The following RORA variants were observed in gnomAD, a reference collection of about 807,000 sequenced individuals.
RORA encodes RAR related orphan receptor A, also known as nuclear receptor ROR-alpha.
Under a neutral mutation model 69.5 loss-of-function variants are expected in RORA, and 7 were observed. The ratio of observed to expected loss-of-function variants is 0.10; its 90% CI spans 0.06 to 0.19. The LOEUF (loss-of-function observed/expected upper bound fraction) is 0.19. Among genes scored for constraint, RORA ranks in the 10% least tolerant of loss-of-function variants. The probability of loss-of-function intolerance (pLI) is 1.00; values close to 1 mark genes in which losing one functional copy is unlikely to be tolerated. For synonymous variants in RORA, 261 were observed against 240.8 expected, an observed-to-expected ratio of 1.08 and a Z score of -0.78; for missense variants, 457 against 663.0, an observed-to-expected ratio of 0.69 and a Z score of 3.41.
intron 1 of RORA, among the ~76,000 whole-genome samples, chr15:60,953,637 G>T: frequency 7.3e-6 from 1 of 137,734 alleles, no homozygotes; most frequent in African/African-American, 2.7e-5. Context: ...CAAAGGACAT[G>T]AACAGACACT....
chr15:60,659,813 C>G (rs2070278464), intron 2 of RORA, among the ~76,000 whole-genome samples: 1 of 152,172 alleles, frequency 6.6e-6, no homozygotes, highest in Non-Finnish European at 1.5e-5. Flanking sequence ...ATGTTCCCAT[C>G]CCCCTGCTAA....
intron 2 of RORA, among the ~76,000 whole-genome samples, chr15:60,579,308 G>T (rs1596006107): frequency 1.3e-5 from 2 of 152,276 alleles, no homozygotes; most frequent in African/African-American, 4.8e-5. Flanking sequence ...CCCGCAGGGG[G>T]TCCCTGGATC....
intron 1 of RORA, among the ~76,000 whole-genome samples, chr15:60,843,603 CTT>C (rs1320434101): frequency 6.6e-6 from 1 of 152,146 alleles, no homozygotes; most frequent in Non-Finnish European, 1.5e-5. Flanking sequence ...CTTCCCATGA[CTT>C]TACAGTTGTC....
chr15:60,802,024 T>C (rs1369164921), intron 1 of RORA, among the ~76,000 whole-genome samples: 1 of 152,216 alleles, frequency 6.6e-6, no homozygotes, highest in Non-Finnish European at 1.5e-5. Flanking sequence ...GCTCCAGATC[T>C]AATTGCTAGG....
At chr15:61,130,216 T>C (rs1357484307) in intron 1 of RORA, among the ~76,000 whole-genome samples, 1 of 152,228 alleles carries the variant, frequency 6.6e-6, no homozygotes, top group Non-Finnish European at 1.5e-5. Context: ...GGTTATTTCA[T>C]CTATAAAATG....
At chr15:60,867,258 G>T (rs554614844) in intron 1 of RORA, among the ~76,000 whole-genome samples, 135 of 152,276 alleles carry the variant, frequency 8.9e-4, no homozygotes, top group Middle Eastern at 6.8e-3. Context: ...AGCCTGAGGA[G>T]GGGTACTGGC....
intron 1 of RORA, among the ~76,000 whole-genome samples, chr15:61,084,934 C>T (rs1250525030): frequency 6.6e-6 from 1 of 151,672 alleles, no homozygotes; most frequent in Non-Finnish European, 1.5e-5. Flanking sequence ...CCTCTCCAGC[C>T]TGGCTGAATT....
intron 2 of RORA, among the ~76,000 whole-genome samples, chr15:60,665,236 A>G (rs988800543): frequency 2.6e-5 from 4 of 152,244 alleles, no homozygotes; most frequent in African/African-American, 9.6e-5. Context: ...CAAATACAGG[A>G]TATTTCCCTT....
chr15:61,145,296 A>G (rs1376559688), intron 1 of RORA, among the ~76,000 whole-genome samples: 2 of 152,202 alleles, frequency 1.3e-5, no homozygotes, highest in Non-Finnish European at 2.9e-5. Flanking sequence ...GCACTTTAAT[A>G]CATTATCTAA....
At chr15:60,719,110 A>ATTTGGGT (rs2071260916) in intron 1 of RORA, among the ~76,000 whole-genome samples, 2 of 17,152 alleles carry the variant, frequency 1.2e-4, no homozygotes, top group Non-Finnish European at 2.1e-4. Flanking sequence ...TTGGGTCTTT[A>ATTTGGGT]CTTGATCAAA....
intron 1 of RORA, among the ~76,000 whole-genome samples, chr15:60,713,471 G>A (rs1391281768): frequency 6.6e-6 from 1 of 152,198 alleles, no homozygotes; most frequent in African/African-American, 2.4e-5. Flanking sequence ...TATTTGAAGA[G>A]TTTTGTGAAA....
chr15:61,083,472 C>A (rs2078576172), intron 1 of RORA, among the ~76,000 whole-genome samples: 1 of 152,098 alleles, frequency 6.6e-6, no homozygotes, highest in African/African-American at 2.4e-5. Context: ...CTTAGTCCCT[C>A]TGAATCTGAG....
chr15:60,937,436 C>A (rs190337869), intron 1 of RORA, among the ~76,000 whole-genome samples: 3 of 152,272 alleles, frequency 2.0e-5, no homozygotes, highest in Non-Finnish European at 4.4e-5. Flanking sequence ...GAAAATCCTG[C>A]CTCATTATGC....
intron 1 of RORA, among the ~76,000 whole-genome samples, chr15:60,876,651 A>G (rs1181396743): frequency 6.6e-6 from 1 of 152,110 alleles, no homozygotes; most frequent in East Asian, 1.9e-4. Context: ...TAATTTTTAC[A>G]TAGTACCATT....
At chr15:60,554,876 G>A (rs1391136420) in intron 2 of RORA, among the ~76,000 whole-genome samples, 3 of 150,870 alleles carry the variant, frequency 2.0e-5, no homozygotes, top group Non-Finnish European at 4.4e-5. Context: ...TTTCCCCCAC[G>A]CTCACCCCCT....
intron 1 of RORA, among the ~76,000 whole-genome samples, chr15:61,227,486 T>C (rs2080157972): frequency 6.6e-6 from 1 of 151,740 alleles, no homozygotes; most frequent in Admixed American, 6.6e-5. Flanking sequence ...CGCCTTTAAT[T>C]AAATGTTTTT....
intron 1 of RORA, among the ~76,000 whole-genome samples, chr15:60,863,779 G>A (rs1202079372): frequency 2.0e-5 from 3 of 151,030 alleles, no homozygotes; most frequent in Non-Finnish European, 4.4e-5. Context: ...AGGGTGGCCA[G>A]AAGATTATGC....
chr15:60,819,769 A>ACACACACACACACACACGCGCG (rs1555455783), intron 1 of RORA, among the ~76,000 whole-genome samples: 5 of 150,162 alleles, frequency 3.3e-5, no homozygotes, highest in Admixed American at 2.0e-4. Flanking sequence ...ACACACACAC[A>ACACACACACACACACACGCGCG]CACACACACA....
intron 2 of RORA, among the ~76,000 whole-genome samples, chr15:60,659,142 C>A (rs536737370): frequency 6.6e-6 from 1 of 152,316 alleles, no homozygotes; most frequent in South Asian, 2.1e-4. Context: ...GGCCACACTA[C>A]CTGAAATGAA....
Sources: allele counts gnomAD v4.1 joint callset (sites outside exome capture counted in the v4.1 genomes callset), GRCh38; gene constraint gnomAD v4.1.1; transcripts MANE v1.5; gene names NCBI Gene and HGNC (gene_info 2026-07-23, HGNC 2026-07-21).